The following SLC16A7 variants were observed in gnomAD, a reference collection of about 807,000 sequenced individuals.
The protein encoded by SLC16A7 is monocarboxylate transporter 2.
Under a neutral mutation model 34.9 loss-of-function variants are expected in SLC16A7, and 33 were observed. The ratio of observed to expected loss-of-function variants is 0.94; its 90% CI spans 0.72 to 1.26. The LOEUF (loss-of-function observed/expected upper bound fraction) is 1.26. SLC16A7 is among the 50% of genes most tolerant of loss of function. The pLI is 0.00. For missense variants in SLC16A7, 573 were observed against 578.1 expected, an observed-to-expected ratio of 0.99 and a Z score of 0.09; for synonymous variants, 201 against 206.6, an observed-to-expected ratio of 0.97 and a Z score of 0.23.
At chr12:59,610,833 T>C (rs908005150) in intron 1 of SLC16A7, among the ~76,000 whole-genome samples, 9 of 152,244 alleles carry the variant, frequency 5.9e-5, no homozygotes, top group Admixed American at 5.2e-4. Context: ...TGTGAGGCAG[T>C]TGAGCTGAAT....
chr12:59,617,319 G>T (rs1433374822), intron 1 of SLC16A7, among the ~76,000 whole-genome samples: 5 of 151,854 alleles, frequency 3.3e-5, no homozygotes, highest in Non-Finnish European at 7.4e-5. Flanking sequence ...CAGGCACTAG[G>T]CTCCAATCTA....
At chr12:59,651,631 T>C (rs1868343876) in intron 1 of SLC16A7, among the ~76,000 whole-genome samples, 1 of 152,172 alleles carries the variant, frequency 6.6e-6, no homozygotes, top group Non-Finnish European at 1.5e-5. Flanking sequence ...AAGAGTATGA[T>C]GTGGTGTCTC....
chr12:59,689,684 GA>G (rs1474720773), intron 2 of SLC16A7, among the ~76,000 whole-genome samples: 1 of 151,824 alleles, frequency 6.6e-6, no homozygotes, highest in Non-Finnish European at 1.5e-5. Flanking sequence ...AAGTATCCAG[GA>G]ATTTTTCTTT....
chr12:59,634,809 C>G (rs947451175), intron 1 of SLC16A7, among the ~76,000 whole-genome samples: 1 of 151,902 alleles, frequency 6.6e-6, no homozygotes, highest in Admixed American at 6.6e-5. Context: ...CTTGAATGCT[C>G]TACAGTGGGT....
chr12:59,758,606 ATG>A (rs1254029266), intron 3 of SLC16A7, among the ~76,000 whole-genome samples: 2 of 152,144 alleles, frequency 1.3e-5, no homozygotes, highest in Non-Finnish European at 2.9e-5. Context: ...ACCCAGCAGA[ATG>A]TGAATGGAAT....
chr12:59,682,756 G>A (rs946089198), intron 2 of SLC16A7, among the ~76,000 whole-genome samples: 4 of 152,092 alleles, frequency 2.6e-5, no homozygotes, highest in Admixed American at 6.6e-5. Context: ...AGCAAGTCTA[G>A]GAGTTCTATA....
intron 3 of SLC16A7, among the ~76,000 whole-genome samples, chr12:59,754,473 A>G (rs539970493): frequency 7.9e-5 from 12 of 152,312 alleles, no homozygotes; most frequent in Middle Eastern, 3.4e-3. Flanking sequence ...AGAATACTAC[A>G]AACACCTCTA....
At chr12:59,618,973 G>T (rs1879581063) in intron 1 of SLC16A7, among the ~76,000 whole-genome samples, 1 of 151,890 alleles carries the variant, frequency 6.6e-6, no homozygotes, top group African/African-American at 2.4e-5. Flanking sequence ...TTTCCCATTT[G>T]CAACACCTGA....
In SLC16A7 at chr12:59,628,534, C is replaced by T. The variant is rs781253212; in HGVS notation, c.-129-26618C>T. On this transcript the variant is annotated intron_variant, in intron 1 of 5. Transcript: ENST00000547379. ...GAATAATTCATTGCTTTCATAGAGC[C>T]GTAAACAAACCCTCTGGTAGCTTTT... Among the ~76,000 whole-genome samples the T allele has an allele frequency of 5.9e-5, 9 of 151,718 alleles. No homozygotes were observed. In the East Asian group the frequency reaches 7.8e-4, roughly 13 times the overall value.
Position 59,774,848 on chromosome 12 carries a change from C to G in SLC16A7, c.553C>G (p.Leu185Val), listed in dbSNP as rs1420602142. 16 of 1,613,872 alleles carry G rather than the reference C, an allele frequency of 9.9e-6. No individual in the cohort carries two copies. Among genetic ancestry groups the G allele is most frequent in the Non-Finnish European group, 1.4e-5 (16 of 1,179,938 alleles). Residue 185 changes from leucine (L) to valine (V), a missense_variant, in exon 5 of 6, where the codon CTT (leucine) becomes GTT (valine). Transcript: ENST00000547379. ...AAGCTTCCTGATTTTGGGAAGTCTA[C>G]TTTTGAATGCCTGTGTGGCTGGTTC... ...KGSFLILGSL[L>V]LNACVAGSLM...
At chr12:59,752,755 C>T (rs1011112550) in intron 3 of SLC16A7, among the ~76,000 whole-genome samples, 35 of 152,046 alleles carry the variant, frequency 2.3e-4, no homozygotes, top group African/African-American at 4.3e-4. Flanking sequence ...ATACAGAGAA[C>T]GCCACAAAGA....
At chr12:59,679,272 CT>C (rs1285165194) in intron 2 of SLC16A7, among the ~76,000 whole-genome samples, 1 of 152,156 alleles carries the variant, frequency 6.6e-6, no homozygotes, top group Non-Finnish European at 1.5e-5. Flanking sequence ...AGACTTCTGC[CT>C]TGCCAAGTCA....
intron 1 of SLC16A7, among the ~76,000 whole-genome samples, chr12:59,615,483 T>G (rs1184838456): frequency 6.6e-6 from 1 of 152,182 alleles, no homozygotes; most frequent in East Asian, 1.9e-4. Flanking sequence ...TTTTTTACAA[T>G]CTCTTGTAAG....
At chr12:59,778,074 C>T (rs1882939687) in intron 5 of SLC16A7, among the ~76,000 whole-genome samples, 1 of 151,920 alleles carries the variant, frequency 6.6e-6, no homozygotes. Flanking sequence ...TGGGTTGGTT[C>T]CAAGTCTTTG....
At chr12:59,616,069 A>G (rs988783132) in intron 1 of SLC16A7, among the ~76,000 whole-genome samples, 11 of 152,226 alleles carry the variant, frequency 7.2e-5, no homozygotes, top group African/African-American at 2.7e-4. Context: ...AAAGAAAAGC[A>G]TAAAGGACAC....
chr12:59,739,164 G>C (rs1411064978), intron 3 of SLC16A7, among the ~76,000 whole-genome samples: 3 of 149,734 alleles, frequency 2.0e-5, no homozygotes, highest in Non-Finnish European at 1.5e-5. Context: ...TTTAGCATTA[G>C]GTATATCTCC....
intron 3 of SLC16A7, among the ~76,000 whole-genome samples, chr12:59,766,215 T>C (rs894544231): frequency 1.3e-5 from 2 of 152,218 alleles, no homozygotes; most frequent in African/African-American, 4.8e-5. Context: ...GCTTATCAGC[T>C]TAAGGAGATT....
chr12:59,649,324 G>A (rs1422744056), intron 1 of SLC16A7, among the ~76,000 whole-genome samples: 4 of 152,154 alleles, frequency 2.6e-5, no homozygotes, highest in South Asian at 2.1e-4. Flanking sequence ...CTGTGTAAGC[G>A]AGGGATTGCG....
intron 3 of SLC16A7, among the ~76,000 whole-genome samples, chr12:59,711,795 C>T (rs1353497736): frequency 6.6e-6 from 1 of 152,218 alleles, no homozygotes; most frequent in African/African-American, 2.4e-5. Flanking sequence ...TGAGCCACCA[C>T]ACCCACCCAG....
Sources: allele counts gnomAD v4.1 joint callset (sites outside exome capture counted in the v4.1 genomes callset), GRCh38; gene constraint gnomAD v4.1.1; transcripts MANE v1.5; gene names NCBI Gene and HGNC (gene_info 2026-07-23, HGNC 2026-07-21).